The following SLC35F3 variants were observed in gnomAD, a reference collection of about 807,000 sequenced individuals.
SLC35F3 encodes solute carrier family 35 member F3, also known as putative thiamine transporter SLC35F3.
Under a neutral mutation model 49.9 loss-of-function variants are expected in SLC35F3, and 25 were observed. The ratio of observed to expected loss-of-function variants is 0.50; its 90% CI spans 0.37 to 0.70. The LOEUF is 0.70. Among genes scored for constraint, SLC35F3 ranks in the 30% least tolerant of loss-of-function variants. The pLI is 0.00. For synonymous variants in SLC35F3, 275 were observed against 265.4 expected (o/e 1.04, Z -0.35); for missense variants, 525 against 639.8 (o/e 0.82, Z 1.94).
intron 2 of SLC35F3, among the ~76,000 whole-genome samples, chr1:234,069,437 A>T (rs575400245): frequency 2.6e-5 from 4 of 151,634 alleles, no homozygotes; most frequent in Non-Finnish European, 5.9e-5. Flanking sequence ...TTATATTTTC[A>T]GTAGAGACGG....
At chr1:233,943,129 AT>A (rs1282057758) in intron 2 of SLC35F3, among the ~76,000 whole-genome samples, 2 of 152,224 alleles carry the variant, frequency 1.3e-5, no homozygotes, top group Non-Finnish European at 2.9e-5. Context: ...GCCAAACATC[AT>A]TTCCAGGGTA....
At chr1:234,274,698 G>C (rs1668171155) in intron 3 of SLC35F3, among the ~76,000 whole-genome samples, 1 of 152,216 alleles carries the variant, frequency 6.6e-6, no homozygotes, top group Non-Finnish European at 1.5e-5. Flanking sequence ...TGATGGTGCA[G>C]ATTCCAACTG....
chr1:233,919,936 C>T (rs1662032781), intron 2 of SLC35F3, among the ~76,000 whole-genome samples: 1 of 152,152 alleles, frequency 6.6e-6, no homozygotes, highest in South Asian at 2.1e-4. Context: ...TGTACTCCGG[C>T]CTCAGACCAC....
At chr1:234,020,175 C>T (rs906318636) in intron 2 of SLC35F3, among the ~76,000 whole-genome samples, 1 of 152,084 alleles carries the variant, frequency 6.6e-6, no homozygotes, top group Non-Finnish European at 1.5e-5. Context: ...AGAGTGTCTA[C>T]CTTATTGTTA....
chr1:233,937,394 A>T (rs1252082163), intron 2 of SLC35F3, among the ~76,000 whole-genome samples: 1 of 152,244 alleles, frequency 6.6e-6, no homozygotes, highest in African/African-American at 2.4e-5. Context: ...TTTTGTTTTA[A>T]AGTCAAGAGA....
chr1:233,972,017 G>A (rs1336507981), intron 2 of SLC35F3, among the ~76,000 whole-genome samples: 1 of 152,232 alleles, frequency 6.6e-6, no homozygotes, highest in African/African-American at 2.4e-5. Flanking sequence ...TGGAGGTGAG[G>A]GAGCCCCAGC....
intron 2 of SLC35F3, among the ~76,000 whole-genome samples, chr1:234,021,656 C>G (rs965821870): frequency 6.6e-6 from 1 of 152,194 alleles, no homozygotes; most frequent in Non-Finnish European, 1.5e-5. Flanking sequence ...GTGTATTAGG[C>G]TGTTGAAACT....
Position 234,181,004 on chromosome 1 carries a change from T to C in SLC35F3, c.284-50413T>C, listed in dbSNP as rs1666548760. Among the ~76,000 whole-genome samples, 3 of 152,030 alleles carry C rather than the reference T, an allele frequency of 2.0e-5. No homozygotes were observed. The South Asian group carries it at 6.2e-4, about 32-fold the overall frequency. ...GATTGATTTGAAGAAAATCCAGACA[T>C]CATATAATTTCTTTTGAGGCATTTC... is the stretch of plus-strand genomic sequence containing the variant. On this transcript the variant is annotated intron_variant, in intron 2 of 7. Transcript: ENST00000366618.
intron 3 of SLC35F3, among the ~76,000 whole-genome samples, chr1:234,233,434 A>AC (rs1179832804): frequency 6.6e-6 from 1 of 152,124 alleles, no homozygotes; most frequent in Non-Finnish European, 1.5e-5. Context: ...CTGAAAGAGG[A>AC]CCCCCAAGTG....
chr1:233,905,729 G>T lies in SLC35F3; in HGVS notation c.254G>T (p.Gly85Val). 6.2e-7 allele frequency: 1 copy of T among 1,613,950 alleles called. No individual in the cohort carries two copies. The highest frequency in any genetic ancestry group is 8.5e-7 in the Non-Finnish European group (1 of 1,179,918). ...ERILRITGYY[G>V]YQPWAASCKR... Reference sequence around the variant, plus strand: ...ATCCTGCGCATCACTGGCTACTATGGCTACCAGCCCTGGGCAGCGAGCTGC... The same window carrying T: ...ATCCTGCGCATCACTGGCTACTATGTCTACCAGCCCTGGGCAGCGAGCTGC... Residue 85 changes from glycine to valine, a missense_variant, in exon 2 of 8, where the codon GGC (glycine) becomes GTC (valine). Physicochemically the swap from Gly to Val is moderately radical, Grantham distance 109. Coordinates refer to ENST00000366618, the MANE Select transcript of SLC35F3 (RefSeq NM_173508.4).
intron 3 of SLC35F3, among the ~76,000 whole-genome samples, chr1:234,265,341 TTTTTG>T (rs915692618): frequency 9.3e-6 from 1 of 108,066 alleles, no homozygotes; most frequent in Non-Finnish European, 2.0e-5. Context: ...TTTCTTTTTC[TTTTTG>T]TTTTTTTGGT....
intron 3 of SLC35F3, among the ~76,000 whole-genome samples, chr1:234,243,739 C>T (rs1003967433): frequency 2.0e-5 from 3 of 152,234 alleles, no homozygotes; most frequent in Non-Finnish European, 2.9e-5. Flanking sequence ...AGATGGGTGA[C>T]TCTGAAGCCA....
At chr1:234,309,050 T>A (rs1431235315) in intron 3 of SLC35F3, 51 bp from the exon 4 acceptor site, 1 of 1,467,386 alleles carries the variant, frequency 6.8e-7, no homozygotes, top group East Asian at 2.3e-5. Flanking sequence ...AAATAAATGG[T>A]CTGTCTGAAC....
intron 2 of SLC35F3, among the ~76,000 whole-genome samples, chr1:234,020,584 G>A (rs974867442): frequency 6.6e-6 from 1 of 151,768 alleles, no homozygotes; most frequent in Non-Finnish European, 1.5e-5. Flanking sequence ...CTTAAAGTTT[G>A]CTTAAATTGA....
At chr1:234,226,035 C>T (rs1018549301) in intron 2 of SLC35F3, among the ~76,000 whole-genome samples, 1 of 152,162 alleles carries the variant, frequency 6.6e-6, no homozygotes, top group Non-Finnish European at 1.5e-5. Context: ...GGGAGAACTT[C>T]AAATGGGCAC....
At chr1:234,073,878 T>C (rs1035300607) in intron 2 of SLC35F3, among the ~76,000 whole-genome samples, 3 of 152,202 alleles carry the variant, frequency 2.0e-5, no homozygotes, top group African/African-American at 7.2e-5. Context: ...AAAATATTTG[T>C]AACATAAAAT....
At chr1:234,031,004 A>T (rs571571293) in intron 2 of SLC35F3, among the ~76,000 whole-genome samples, 5 of 152,190 alleles carry the variant, frequency 3.3e-5, no homozygotes, top group Admixed American at 2.0e-4. Context: ...TTGCTTTCTC[A>T]GCCTGTTACC....
chr1:234,033,969 G>A (rs956485510), intron 2 of SLC35F3, among the ~76,000 whole-genome samples: 3 of 152,142 alleles, frequency 2.0e-5, no homozygotes, highest in Non-Finnish European at 4.4e-5. Context: ...TCACAATATT[G>A]AGTCTGTCCA....
In SLC35F3 at chr1:233,918,778, TTC is replaced by T. The variant is rs139769087; in HGVS notation, c.283+13038_283+13039del. Among the ~76,000 whole-genome samples the T allele has an allele frequency of 7.1e-3, 1,021 of 143,812 alleles. 13 individuals are homozygous for T. The highest frequency in any genetic ancestry group is 0.024 in the African/African-American group (942 of 38,744). The allele number at this position is 143,812 out of a possible 152,430, so 94.3% of individuals were successfully genotyped here. A position where few individuals can be genotyped will look rare whatever the true frequency, so the allele number is the denominator to read the frequency against. On this transcript the variant is annotated intron_variant, in intron 2 of 7. Transcript: ENST00000366618. Reference sequence around the variant, plus strand: ...TGAGACTCCGTCTCTCTCTCTCTCTTTCTCTCTCTCTCTCTCTCTTTCTCTCT... The same window carrying T: ...TGAGACTCCGTCTCTCTCTCTCTCTTTCTCTCTCTCTCTCTCTTTCTCTCT...
Sources: allele counts gnomAD v4.1 joint callset (sites outside exome capture counted in the v4.1 genomes callset), GRCh38; gene constraint gnomAD v4.1.1; transcripts MANE v1.5; gene names NCBI Gene and HGNC (gene_info 2026-07-23, HGNC 2026-07-21).